Variants in COL18A1 observed in about 807,000 individuals in gnomAD.
COL18A1 encodes the protein collagen alpha-1(XVIII) chain.
In COL18A1, 133 loss-of-function variants were observed where a neutral mutation model predicts 168.0. The ratio of observed to expected loss-of-function variants is 0.79; its 90% confidence interval spans 0.69 to 0.91. The LOEUF (loss-of-function observed/expected upper bound fraction) is 0.91. Ranked by LOEUF, COL18A1 falls within the 40% of genes least tolerant of loss-of-function variation. The probability of loss-of-function intolerance (pLI) is 0.00; values close to 1 mark genes in which losing one functional copy is unlikely to be tolerated. For missense variants in COL18A1, 2,126 were observed against 1,925.4 expected, an observed-to-expected ratio of 1.10 and a Z score of -1.95; for synonymous variants, 949 against 809.0, an observed-to-expected ratio of 1.17 and a Z score of -2.94.
chr21:45,504,277 C>T (rs1195644497), intron 33 of COL18A1, 139 bp from the exon 34 acceptor site: 3 of 937,106 alleles, frequency 3.2e-6, no homozygotes, highest in Non-Finnish European at 3.3e-6. Flanking sequence ...GGAGTCGAGC[C>T]CTATTCTATG....
Position 45,434,513 on chromosome 21 carries a change from C to T in COL18A1, c.106+29040C>T, listed in dbSNP as rs113046829. 5.3e-4 allele frequency among the ~76,000 whole-genome samples: 81 copies of T among 152,302 alleles called. 1 individual carries two copies. Among genetic ancestry groups the T allele is most frequent in the African/African-American group, 1.9e-3 (77 of 41,556 alleles). Reference sequence around the variant, plus strand: ...AGAGGCTGGGACTCCCTGCCTGAGTCGGGGTGAGGGCTTCCCGTGGCTCTG... The same window carrying T: ...AGAGGCTGGGACTCCCTGCCTGAGTTGGGGTGAGGGCTTCCCGTGGCTCTG... On this transcript the variant is annotated intron_variant, in intron 2 of 41. Coordinates refer to ENST00000651438, the MANE Select transcript of COL18A1 (RefSeq NM_001379500.1).
intron 6 of COL18A1, among the ~76,000 whole-genome samples, chr21:45,477,021 C>T (rs2145922089): frequency 6.6e-6 from 1 of 152,006 alleles, no homozygotes; most frequent in Admixed American, 6.6e-5. Flanking sequence ...CTGTGCTTCT[C>T]TTGCAGGATT....
At chr21:45,480,547 GC>G in intron 12 of COL18A1, 27 bp downstream of exon 12, 6 of 1,614,012 alleles carry the variant, frequency 3.7e-6, no homozygotes, top group Non-Finnish European at 5.1e-6. Flanking sequence ...CTGCAGCGCT[GC>G]CCGATGTCTG....
At chr21:45,501,915 A>G (rs1465303004) in intron 32 of COL18A1, among the ~76,000 whole-genome samples, 5 of 98,594 alleles carry the variant, frequency 5.1e-5, no homozygotes, top group Admixed American at 1.0e-4. Flanking sequence ...CAGGGGCTCC[A>G]CAGCCGGTCA....
At chr21:45,450,430 C>T (rs764527088) in intron 2 of COL18A1, among the ~76,000 whole-genome samples, 1 of 152,230 alleles carries the variant, frequency 6.6e-6, no homozygotes, top group Non-Finnish European at 1.5e-5. Flanking sequence ...GGAGGGACGC[C>T]TCTGACGATT....
intron 14 of COL18A1, 95 bp from the exon 15 acceptor site, chr21:45,482,700 G>A (rs1030526734): frequency 1.3e-5 from 21 of 1,589,970 alleles, no homozygotes; most frequent in Admixed American, 5.0e-5. Flanking sequence ...GCAGGGACCC[G>A]GGTCGGGGCA....
At position 45,486,935 on chromosome 21, in the gene COL18A1, A is replaced by T; in HGVS notation, c.1776A>T (p.Gly592=). Reference sequence around the variant, plus strand: ...TGGCAGGAGCCCCCGGACCTGCTGGACCACCAGGCCCCCCTGGGCCCCCTG... The same window carrying T: ...TGGCAGGAGCCCCCGGACCTGCTGGTCCACCAGGCCCCCCTGGGCCCCCTG... The part of the protein sequence containing the change: ...SGLAGAPGPA[G]PPGPPGPPGP... The change falls in exon 16 of 42, where the codon GGA becomes GGT. Residue 592 remains glycine, a synonymous_variant. Transcript: ENST00000651438. The T allele has an allele frequency of 6.7e-7, 1 of 1,503,468 alleles. No individual in the cohort carries two copies. The highest frequency in any genetic ancestry group is 8.9e-7 in the Non-Finnish European group (1 of 1,126,562). The allele number at this position is 1,503,468 out of a possible 1,614,324, so 93.1% of individuals were successfully genotyped here. A position where few individuals can be genotyped will look rare whatever the true frequency, so the allele number is the denominator to read the frequency against.
intron 2 of COL18A1, among the ~76,000 whole-genome samples, chr21:45,452,469 A>C (rs1183097611): frequency 6.6e-6 from 1 of 151,174 alleles, no homozygotes; most frequent in Non-Finnish European, 1.5e-5. Context: ...GTGAGCATAT[A>C]TGTACGTGTG....
chr21:45,501,539 G>A (rs1047408203), intron 32 of COL18A1, among the ~76,000 whole-genome samples: 3 of 152,168 alleles, frequency 2.0e-5, no homozygotes, highest in Non-Finnish European at 4.4e-5. Flanking sequence ...AGGAGAAGCA[G>A]GTGGAAGTCA....
At chr21:45,472,737 G>T (rs8126650) in intron 3 of COL18A1, among the ~76,000 whole-genome samples, 32,769 of 152,170 alleles carry the variant, frequency 0.22, 4,807 homozygotes, top group African/African-American at 0.41. Context: ...CGCTCTGTGA[G>T]GCTGAGAACC....
At chr21:45,495,453 G>A (rs760596210) in intron 29 of COL18A1, 21 bp downstream of exon 29, 9 of 1,587,452 alleles carry the variant, frequency 5.7e-6, no homozygotes, top group South Asian at 2.3e-5. Flanking sequence ...CTCAAGGGGC[G>A]GACTGGGTGG....
At chr21:45,437,846 GCA>G (rs1171687994) in intron 2 of COL18A1, among the ~76,000 whole-genome samples, 2 of 45,460 alleles carry the variant, frequency 4.4e-5, no homozygotes, top group South Asian at 7.5e-4. Context: ...GCACTCTCCT[GCA>G]CACACTCACA....
intron 3 of COL18A1, among the ~76,000 whole-genome samples, chr21:45,469,940 G>A (rs893399327): frequency 1.3e-5 from 2 of 152,132 alleles, no homozygotes; most frequent in African/African-American, 4.8e-5. Context: ...CATGATTACC[G>A]GGAAAGAAGT....
intron 2 of COL18A1, among the ~76,000 whole-genome samples, chr21:45,454,127 G>A (rs1337314652): frequency 3.3e-5 from 5 of 152,190 alleles, no homozygotes; most frequent in Non-Finnish European, 5.9e-5. Flanking sequence ...GTGGGGATTC[G>A]TTTTGGGAGC....
chr21:45,475,661 T>A lies in COL18A1; in HGVS notation c.798+126T>A, dbSNP rs1485866502. 12 of 847,008 alleles carry A rather than the reference T, an allele frequency of 1.4e-5. No individual in the cohort carries two copies. The East Asian group carries it at 2.9e-4, about 21-fold the overall frequency. 52.5% of individuals were successfully genotyped at this position (847,008 alleles called of 1,614,324 possible). A position where few individuals can be genotyped will look rare whatever the true frequency, so the allele number is the denominator to read the frequency against. ...GCTCCCTCTATGCCACGAAGACATA[T>A]TCCTGGCTGGGGACAGGGATGCTGG... is the stretch of plus-strand genomic sequence containing the variant. On this transcript the variant is annotated intron_variant, in intron 5 of 41. Coordinates refer to ENST00000651438, the MANE Select transcript of COL18A1 (RefSeq NM_001379500.1).
At chr21:45,476,587 TGTGTG>T in intron 6 of COL18A1, 107 bp downstream of exon 6, 6 of 1,374,926 alleles carry the variant, frequency 4.4e-6, no homozygotes, top group Non-Finnish European at 5.0e-6. Context: ...GTGTGTGTAG[TGTGTG>T]GTGTATATGG....
chr21:45,509,298 G>GGAGGAGGGGCAC, intron 38 of COL18A1, 58 bp from the exon 39 acceptor site: 2 of 1,533,934 alleles, frequency 1.3e-6, no homozygotes, highest in East Asian at 2.4e-5. Context: ...GGACACAGAT[G>GGAGGAGGGGCAC]GAGGAGGGGC....
chr21:45,461,061 G>A (rs2035026326), intron 2 of COL18A1, among the ~76,000 whole-genome samples: 1 of 152,202 alleles, frequency 6.6e-6, no homozygotes, highest in Non-Finnish European at 1.5e-5. Context: ...CGTTGTGAGT[G>A]TGGTGAGAAA....
At position 45,490,452 on chromosome 21, in the gene COL18A1, C is replaced by T. The variant is rs567370553; in HGVS notation, c.2031+106C>T. The T allele has an allele frequency of 1.2e-4, 115 of 957,036 alleles. 2 individuals carry two copies. The African/African-American group carries it at 1.7e-3, about 15-fold the overall frequency. 59.3% of individuals were successfully genotyped at this position (957,036 alleles called of 1,614,324 possible). ...GATGTGCCCTCCCGGGTCCCTGGGT[C>T]TCCATGTGCCCTCGTGGGTCCCTGG... On this transcript the variant is annotated intron_variant, in intron 20 of 41. Coordinates refer to ENST00000651438, the MANE Select transcript of COL18A1 (RefSeq NM_001379500.1).
Sources: gnomAD v4.1 joint callset for allele counts (sites outside exome capture counted in the v4.1 genomes callset) on GRCh38, gnomAD v4.1.1 for gene constraint, MANE v1.5 for transcripts, NCBI Gene and HGNC (gene_info 2026-07-23, HGNC 2026-07-21) for gene names.